EDARADD: variants seen among roughly 807,000 people sequenced by gnomAD.
EDARADD encodes EDAR associated via death domain, also known as ectodysplasin-A receptor-associated adapter protein.
EDARADD carries 20 observed loss-of-function variants against 25.6 expected under a neutral mutation model. The ratio of observed to expected loss-of-function variants is 0.78; its 90% confidence interval spans 0.55 to 1.14. The LOEUF (loss-of-function observed/expected upper bound fraction) is 1.14. EDARADD is among the 50% of genes most tolerant of loss of function. EDARADD has a pLI of 0.00. For missense variants in EDARADD, 225 were observed against 270.1 expected, an observed-to-expected ratio of 0.83 and a Z score of 1.17; for synonymous variants, 86 against 94.4, an observed-to-expected ratio of 0.91 and a Z score of 0.52.
At chr1:236,377,568 G>T (rs1667237885) in intron 3 of EDARADD, among the ~76,000 whole-genome samples, 1 of 148,606 alleles carries the variant, frequency 6.7e-6, no homozygotes, top group Non-Finnish European at 1.5e-5. Flanking sequence ...TCTTCAAACT[G>T]TATTTTTTTG....
chr1:236,435,734 C>A (rs771953559), intron 4 of EDARADD, among the ~76,000 whole-genome samples: 2 of 151,958 alleles, frequency 1.3e-5, no homozygotes, highest in Non-Finnish European at 2.9e-5. Flanking sequence ...GGATGAGAAA[C>A]TTCAGGATTT....
intron 5 of EDARADD, among the ~76,000 whole-genome samples, chr1:236,471,197 A>G (rs957931403): frequency 2.0e-5 from 3 of 152,108 alleles, no homozygotes; most frequent in Non-Finnish European, 2.9e-5. Flanking sequence ...CTGCCAACTT[A>G]ATGTCTCCTT....
Position 236,405,783 on chromosome 1 carries a change from TTCTTTCTTTTCTTTTTC to T in EDARADD, c.62-3431_62-3415del, listed in dbSNP as rs1260053894. Reference sequence around the variant, plus strand: ...TTTCTTTCTTTCTTTCTTTCTTTCTTTCTTTCTTTTCTTTTTCTTTCTTTCTTTCCTTCCTTCCTTTC... The same window carrying T: ...TTTCTTTCTTTCTTTCTTTCTTTCTTTTTCTTTCTTTCCTTCCTTCCTTTC... On this transcript the variant is annotated intron_variant, in intron 1 of 5. Coordinates refer to ENST00000334232, the MANE Select transcript of EDARADD (RefSeq NM_145861.4). Among the ~76,000 whole-genome samples the T allele has an allele frequency of 9.9e-4, 44 of 44,586 alleles. 1 individual carries two copies. Among genetic ancestry groups the T allele is most frequent in the African/African-American group, 2.9e-3 (43 of 14,684 alleles). 29.3% of individuals were successfully genotyped at this position (44,586 alleles called of 152,430 possible). A position where few individuals can be genotyped will look rare whatever the true frequency, so the allele number is the denominator to read the frequency against.
rs1658587770 is a variant in EDARADD, at chr1:236,447,252, CTTTCT to C, written c.219+19805_219+19809del. 1.4e-4 allele frequency among the ~76,000 whole-genome samples: 5 copies of C among 36,316 alleles called. No individual in the cohort carries two copies. In the South Asian group the frequency reaches 3.3e-3, roughly 24 times the overall value. The allele number at this position is 36,316 out of a possible 152,430, so 23.8% of individuals were successfully genotyped here. On this transcript the variant is annotated intron_variant, in intron 4 of 5. Coordinates refer to ENST00000334232, the MANE Select transcript of EDARADD (RefSeq NM_145861.4). ...TTCTTTCCTTTCTTTCCTTTCTTTC[CTTTCT>C]TTCTTTCTTTCTTTCTTCTTGATGG...
intron 4 of EDARADD, among the ~76,000 whole-genome samples, chr1:236,448,291 A>G (rs1378593657): frequency 3.3e-5 from 5 of 152,240 alleles, no homozygotes. Flanking sequence ...TAGACCACGC[A>G]TCCACAGGGC....
At chr1:236,361,370 C>T (rs184031834) in intron 3 of EDARADD, among the ~76,000 whole-genome samples, 152 of 151,978 alleles carry the variant, frequency 1.0e-3, no homozygotes, top group African/African-American at 3.5e-3. Context: ...GGCTGGAGTG[C>T]AGTGGCGCGA....
intron 4 of EDARADD, among the ~76,000 whole-genome samples, chr1:236,459,244 T>C (rs552123853): frequency 5.3e-5 from 8 of 152,290 alleles, no homozygotes; most frequent in Middle Eastern, 3.4e-3. Context: ...GTAATATCCA[T>C]AGCCCCGTGC....
intron 4 of EDARADD, among the ~76,000 whole-genome samples, chr1:236,441,381 A>G (rs367919369): frequency 2.8e-5 from 4 of 144,796 alleles, no homozygotes; most frequent in Admixed American, 1.4e-4. Flanking sequence ...TATATGTATT[A>G]TATATATGAG....
chr1:236,417,762 A>G (rs1657676241), intron 3 of EDARADD, among the ~76,000 whole-genome samples: 1 of 152,102 alleles, frequency 6.6e-6, no homozygotes, highest in African/African-American at 2.4e-5. Context: ...GTGTTTGGAA[A>G]AGGAATTTTG....
chr1:236,409,153 C>A, intron 1 of EDARADD, 63 bp from the exon 2 acceptor site: 1 of 1,191,962 alleles, frequency 8.4e-7, no homozygotes, highest in Non-Finnish European at 1.2e-6. Flanking sequence ...TATCAAAGGA[C>A]TCATTTGTGG....
intron 4 of EDARADD, among the ~76,000 whole-genome samples, chr1:236,452,033 G>A (rs563618332): frequency 2.6e-5 from 4 of 152,308 alleles, no homozygotes; most frequent in Non-Finnish European, 4.4e-5. Context: ...ATCATCCAGG[G>A]CGGCTCCAGC....
intron 3 of EDARADD, among the ~76,000 whole-genome samples, chr1:236,383,088 T>C (rs1414679946): frequency 6.6e-6 from 1 of 152,056 alleles, no homozygotes; most frequent in Non-Finnish European, 1.5e-5. Context: ...TTCTCTGCGC[T>C]GCAACTTAGA....
intron 3 of EDARADD, among the ~76,000 whole-genome samples, chr1:236,422,890 A>G (rs1657817188): frequency 6.6e-6 from 1 of 152,186 alleles, no homozygotes; most frequent in African/African-American, 2.4e-5. Flanking sequence ...CCAAGGCATA[A>G]TGGACAGCGC....
At chr1:236,361,133 G>A (rs965845210) in intron 3 of EDARADD, among the ~76,000 whole-genome samples, 2 of 152,086 alleles carry the variant, frequency 1.3e-5, no homozygotes, top group African/African-American at 2.4e-5. Flanking sequence ...AAATGTTCAT[G>A]TATGTGTACA....
In EDARADD at chr1:236,353,016, A is replaced by T. The variant is rs537364348; in HGVS notation, c.-6+2177A>T. Among the ~76,000 whole-genome samples the T allele has an allele frequency of 4.4e-3, 671 of 152,064 alleles. 3 individuals are homozygous for T. The highest frequency in any genetic ancestry group is 0.015 in the African/African-American group (642 of 41,494). Reference sequence around the variant, plus strand: ...CAGAGCAAGACTCCGTCTCTAAAAAAAAAACAACAACAACAAATTATCTAA... The same window carrying T: ...CAGAGCAAGACTCCGTCTCTAAAAATAAAACAACAACAACAAATTATCTAA... On this transcript the variant is annotated intron_variant, in intron 3 of 7. Transcript: ENST00000439430.
At chr1:236,418,487 C>T (rs1272041905) in intron 3 of EDARADD, among the ~76,000 whole-genome samples, 1 of 152,078 alleles carries the variant, frequency 6.6e-6, no homozygotes, top group African/African-American at 2.4e-5. Flanking sequence ...TCAAGCGATC[C>T]ATCCACCTCG....
chr1:236,369,470 CCT>C (rs1317692967), intron 3 of EDARADD, among the ~76,000 whole-genome samples: 4 of 152,182 alleles, frequency 2.6e-5, no homozygotes, highest in Non-Finnish European at 4.4e-5. Context: ...CTGATTAACC[CCT>C]GTTCCAGGAA....
rs939668505 is a variant in EDARADD, at chr1:236,433,911, C to A, written c.219+6461C>A. Among the ~76,000 whole-genome samples the A allele has an allele frequency of 6.6e-5, 10 of 150,796 alleles. No homozygotes were observed. The East Asian group carries it at 7.8e-4, about 12-fold the overall frequency. On this transcript the variant is annotated intron_variant, in intron 4 of 5. Transcript: ENST00000334232. ...CAAACAAAAAAAACAAAAAAAAAAA[C>A]CCTGCAAATAATTTGATATTGTTCT...
intron 2 of EDARADD, among the ~76,000 whole-genome samples, chr1:236,410,230 C>G (rs1010684070): frequency 1.3e-5 from 2 of 151,902 alleles, no homozygotes; most frequent in African/African-American, 4.8e-5. Flanking sequence ...AATTTTTCAA[C>G]CCTGAGCCCT....
Sources: gnomAD v4.1 joint callset for allele counts (sites outside exome capture counted in the v4.1 genomes callset) on GRCh38, gnomAD v4.1.1 for gene constraint, MANE v1.5 for transcripts, NCBI Gene and HGNC (gene_info 2026-07-23, HGNC 2026-07-21) for gene names.